Variants in NOTCH3 observed in about 807,000 individuals in gnomAD.
NOTCH3 encodes the protein notch receptor 3, also known as neurogenic locus notch homolog protein 3.
A neutral mutation model predicts 213.3 loss-of-function variants in NOTCH3; 86 were observed. The ratio of observed to expected loss-of-function variants is 0.40; its 90% CI spans 0.34 to 0.48. The LOEUF (loss-of-function observed/expected upper bound fraction) is 0.48. NOTCH3 is among the 20% of genes least tolerant of loss of function. The pLI is 0.57. For synonymous variants in NOTCH3, 1,354 were observed against 1,355.9 expected, an observed-to-expected ratio of 1.00 and a Z score of 0.03; for missense variants, 2,783 against 3,272.6, an observed-to-expected ratio of 0.85 and a Z score of 3.65.
At chr19:15,172,733 T>C (rs12980070) in intron 25 of NOTCH3, among the ~76,000 whole-genome samples, 23,561 of 150,484 alleles carry the variant, frequency 0.16, 2,151 homozygotes, top group African/African-American at 0.25. Context: ...TAGCACAATC[T>C]TGGCTCACTG....
rs2046639168 is a variant in NOTCH3, at chr19:15,161,232, G to A, written c.6396C>T (p.Ala2132=). 1.3e-6 allele frequency: 2 copies of A among 1,547,782 alleles called. No individual in the cohort carries two copies. The highest frequency in any genetic ancestry group is 1.2e-5 in the South Asian group (1 of 84,420). ...CAAGCTGTGCCAGAGACACTGCAGT[G>A]GCAGTGGCAGCTGCATAGGGCCCCT... ...PLEGPYAAAT[A]TAVSLAQLGG... Residue 2132 remains alanine (A), a synonymous_variant, in exon 33 of 33, where the codon GCC becomes GCT. Transcript: ENST00000263388.
At chr19:15,176,843 C>T (rs1355496727) in intron 24 of NOTCH3, among the ~76,000 whole-genome samples, 1 of 147,272 alleles carries the variant, frequency 6.8e-6, no homozygotes, top group African/African-American at 2.5e-5. Context: ...GAGGCCAAGG[C>T]GGGCGGATCA....
rs2046800299 is a variant in NOTCH3 at position 15,177,408 on chromosome 19, G to A, written c.4403+117C>T. The A allele has an allele frequency of 4.5e-6, 4 of 894,570 alleles. No homozygotes were observed. The South Asian group carries it at 5.7e-5, about 13-fold the overall frequency. 55.4% of individuals were successfully genotyped at this position (894,570 alleles called of 1,614,324 possible). On this transcript the variant is annotated intron_variant, in intron 24 of 32. Transcript: ENST00000263388. ...GGACACACCGATGGGCAGATAGAGTGCACAGAGAAACAGACGGGGCAAGTG... is the reference window on the plus strand; with the variant it reads ...GGACACACCGATGGGCAGATAGAGTACACAGAGAAACAGACGGGGCAAGTG...
At chr19:15,184,037 C>CAAAAAAA (rs34518539) in intron 16 of NOTCH3, among the ~76,000 whole-genome samples, 1 of 27,622 alleles carries the variant, frequency 3.6e-5, no homozygotes. Context: ...GACTCTGTCT[C>CAAAAAAA]AAAAAAAAAA....
chr19:15,168,778 G>A (rs1037640236), intron 28 of NOTCH3, among the ~76,000 whole-genome samples: 2 of 152,100 alleles, frequency 1.3e-5, no homozygotes, highest in Non-Finnish European at 2.9e-5. Flanking sequence ...AGGCTGCAAT[G>A]AGCCAAGATC....
At chr19:15,173,050 CTCCCTCTTCTTCTTCTTCTTCTTCT>C (rs1214776204) in intron 25 of NOTCH3, among the ~76,000 whole-genome samples, 2 of 6,114 alleles carry the variant, frequency 3.3e-4, no homozygotes, top group African/African-American at 3.5e-3. Flanking sequence ...CCCCTCCCTC[CTCCCTCTTCTTCTTCTTCTTCTTCT>C]TCTTCTTCTT....
chr19:15,162,823 G>A (rs918832321), intron 31 of NOTCH3, among the ~76,000 whole-genome samples: 5 of 152,046 alleles, frequency 3.3e-5, no homozygotes, highest in Non-Finnish European at 7.4e-5. Flanking sequence ...TTATACACAG[G>A]GGGTGCTGTG....
At chr19:15,195,169 G>T (rs545297324) in intron 2 of NOTCH3, among the ~76,000 whole-genome samples, 2 of 152,012 alleles carry the variant, frequency 1.3e-5, no homozygotes, top group Non-Finnish European at 2.9e-5. Flanking sequence ...AGACAGCAGG[G>T]CTCCCACAAA....
intron 23 of NOTCH3, 66 bp from the exon 24 acceptor site, chr19:15,178,156 G>T: frequency 3.0e-6 from 3 of 991,898 alleles, no homozygotes; most frequent in Non-Finnish European, 4.5e-6. Context: ...AGGAGGAGAA[G>T]AAATGGAGGA....
chr19:15,195,833 C>T (rs1425769471), intron 2 of NOTCH3, among the ~76,000 whole-genome samples: 1 of 151,682 alleles, frequency 6.6e-6, no homozygotes, highest in Non-Finnish European at 1.5e-5. Context: ...CGCTCTGCGT[C>T]CCGCGCCCCC....
intron 25 of NOTCH3, among the ~76,000 whole-genome samples, chr19:15,173,478 G>A (rs974163123): frequency 2.7e-5 from 4 of 145,928 alleles, no homozygotes; most frequent in African/African-American, 1.0e-4. Context: ...ATGTTGCCCA[G>A]GCTAGATTTG....
At chr19:15,168,175 G>T (rs1223009973) in intron 28 of NOTCH3, among the ~76,000 whole-genome samples, 1 of 152,114 alleles carries the variant, frequency 6.6e-6, no homozygotes, top group East Asian at 1.9e-4. Context: ...AAATCACTTT[G>T]AAGCTCTGAG....
In NOTCH3 at chr19:15,192,344, G is replaced by A. The variant is rs752723071; in HGVS notation, c.340+33C>T. 5.6e-6 allele frequency: 9 copies of A among 1,612,610 alleles called. No homozygotes were observed. The East Asian group carries it at 6.7e-5, about 12-fold the overall frequency. ...TGAGTTTAGGACTGACCACACCCCC[G>A]ACTACCTCCCCTCCAGACTCTTCCC... On this transcript the variant is annotated intron_variant, in intron 3 of 32. Transcript: ENST00000263388.
chr19:15,170,636 G>GCCCC, intron 26 of NOTCH3, 35 bp downstream of exon 26: 13 of 909,216 alleles, frequency 1.4e-5, no homozygotes, highest in Non-Finnish European at 1.9e-5. Flanking sequence ...CCCCAGCTCC[G>GCCCC]CCCCCGCCAC....
intron 2 of NOTCH3, among the ~76,000 whole-genome samples, chr19:15,192,735 T>G (rs1189233519): frequency 1.3e-5 from 2 of 152,148 alleles, no homozygotes; most frequent in Non-Finnish European, 2.9e-5. Context: ...GCCAACATGG[T>G]GTAACCCCGT....
At chr19:15,187,858 G>T (rs1407088350) in intron 10 of NOTCH3, 23 bp downstream of exon 10, 2 of 1,532,172 alleles carry the variant, frequency 1.3e-6, no homozygotes, top group Non-Finnish European at 1.8e-6. Context: ...GATTCTTGTC[G>T]GACTGTCATT....
rs1274855877 is a variant in NOTCH3, at chr19:15,181,814, G to A, written c.2567-13C>T. ...TTCAGGCATGGGTCTGCGGACAGGAGGAAGGCGGTCTGGTCACCTACCTTG... is the reference window on the plus strand; with the variant it reads ...TTCAGGCATGGGTCTGCGGACAGGAAGAAGGCGGTCTGGTCACCTACCTTG... On this transcript the variant is annotated splice_polypyrimidine_tract_variant and intron_variant, in intron 16 of 32. Coordinates refer to ENST00000263388, the MANE Select transcript of NOTCH3 (RefSeq NM_000435.3). 1 of 1,549,368 alleles carries A rather than the reference G, an allele frequency of 6.5e-7. No individual in the cohort carries two copies. The highest frequency in any genetic ancestry group is 8.7e-7 in the Non-Finnish European group (1 of 1,147,192).
At chr19:15,175,280 T>C (rs4809033) in intron 24 of NOTCH3, among the ~76,000 whole-genome samples, 26,735 of 143,506 alleles carry the variant, frequency 0.19, 3,956 homozygotes, top group African/African-American at 0.4. Context: ...TGCCTCTAAT[T>C]CCAGCACTTT....
In NOTCH3 at chr19:15,185,325, C is replaced by T. The variant is rs2145429508; in HGVS notation, c.2228G>A (p.Cys743Tyr). The T allele has an allele frequency of 6.2e-7, 1 of 1,613,006 alleles. No homozygotes were observed. Among genetic ancestry groups the T allele is most frequent in the South Asian group, 1.1e-5 (1 of 91,058 alleles). ...LARDACESQP[C>Y]RAGGTCSSDG... ...GCTGCTGCATGTCCCACCGGCCCTGCACGGCTGGGACTCACAGGCGTCTCG... is the reference window on the plus strand; with the variant it reads ...GCTGCTGCATGTCCCACCGGCCCTGTACGGCTGGGACTCACAGGCGTCTCG... Residue 743 changes from cysteine to tyrosine, a missense_variant, in exon 14 of 33, where the codon TGC becomes TAC. This residue lies in a region of NOTCH3 where 861 missense variants were observed against 909.1 expected (regional missense o/e 0.95). Transcript: ENST00000263388. This position sits in a 1 kb window ranked among gnomAD's most constrained non-coding sequence, Gnocchi z 4.2.
Sources: gnomAD v4.1 joint callset for allele counts (sites outside exome capture counted in the v4.1 genomes callset) on GRCh38, gnomAD v4.1.1 for gene constraint, gnomAD v4.1.1 regional missense constraint, Gnocchi (gnomAD v3.1) non-coding constraint, MANE v1.5 for transcripts, NCBI Gene and HGNC (gene_info 2026-07-23, HGNC 2026-07-21) for gene names.